PALM2AKAP2: variants seen among roughly 807,000 people sequenced by gnomAD.
PALM2AKAP2 encodes the protein PALM2 and AKAP2 fusion, also known as PALM2-AKAP2 fusion protein.
In PALM2AKAP2, 37 loss-of-function variants were observed where a neutral mutation model predicts 71.5. The observed-to-expected ratio is 0.52, with a 90% confidence interval of 0.40 to 0.68. The LOEUF (loss-of-function observed/expected upper bound fraction) is 0.68, where lower values mean the gene tolerates loss of function less well. Ranked by LOEUF, PALM2AKAP2 falls within the 30% of genes least tolerant of loss-of-function variation. The probability of loss-of-function intolerance (pLI) is 0.00; values close to 1 mark genes in which losing one functional copy is unlikely to be tolerated. For synonymous variants in PALM2AKAP2, 468 were observed against 478.8 expected, an observed-to-expected ratio of 0.98 and a Z score of 0.29; for missense variants, 1,224 against 1,191.8, an observed-to-expected ratio of 1.03 and a Z score of -0.40.
At chr9:110,135,172 A>ATATATATATATAT (rs58573716) in intron 1 of PALM2AKAP2, among the ~76,000 whole-genome samples, 2 of 61,090 alleles carry the variant, frequency 3.3e-5, no homozygotes, top group African/African-American at 1.2e-4. Context: ...AAAATATATA[A>ATATATATATATAT]ATATATATAT....
chr9:110,101,727 CCAT>C (rs1457870224), intron 1 of PALM2AKAP2, among the ~76,000 whole-genome samples: 1 of 152,214 alleles, frequency 6.6e-6, no homozygotes, highest in African/African-American at 2.4e-5. Flanking sequence ...CAGCCTGAAA[CCAT>C]CTGCAGCTGC....
chr9:109,947,607 T>C (rs1230627380), intron 6 of PALM2AKAP2, among the ~76,000 whole-genome samples: 1 of 152,190 alleles, frequency 6.6e-6, no homozygotes, highest in African/African-American at 2.4e-5. Flanking sequence ...AAAACGCAGA[T>C]GGACATAGAC....
chr9:109,649,749 A>T (rs1827200717), intron 1 of PALM2AKAP2, among the ~76,000 whole-genome samples: 1 of 152,176 alleles, frequency 6.6e-6, no homozygotes, highest in South Asian at 2.1e-4. Context: ...GGTAGAGGGG[A>T]TGGAGACAGT....
intron 3 of PALM2AKAP2, among the ~76,000 whole-genome samples, chr9:109,894,432 C>T (rs972296740): frequency 1.3e-5 from 2 of 152,164 alleles, no homozygotes; most frequent in African/African-American, 4.8e-5. Context: ...AGAAAAGTGG[C>T]CAAACCCAGT....
intron 6 of PALM2AKAP2, among the ~76,000 whole-genome samples, chr9:110,014,801 AAAATGTATATATATATATAT>A (rs1832945222): frequency 9.7e-5 from 4 of 41,264 alleles, no homozygotes; most frequent in East Asian, 1.4e-3. Flanking sequence ...AAAAAAAAAA[AAAATGTATATATATATATAT>A]ATATATATAT....
intron 1 of PALM2AKAP2, among the ~76,000 whole-genome samples, chr9:109,686,426 T>C (rs1827806238): frequency 6.6e-6 from 1 of 152,230 alleles, no homozygotes; most frequent in African/African-American, 2.4e-5. Context: ...TTAGCAGGCA[T>C]GAAAACAACA....
At chr9:110,162,369 G>T in intron 3 of PALM2AKAP2, among the ~76,000 whole-genome samples, 1 of 152,136 alleles carries the variant, frequency 6.6e-6, no homozygotes, top group East Asian at 1.9e-4. Flanking sequence ...GAGTGGGAGG[G>T]TACTGGGGAA....
intron 1 of PALM2AKAP2, among the ~76,000 whole-genome samples, chr9:110,062,237 C>T (rs1024338520): frequency 6.6e-6 from 1 of 152,096 alleles, no homozygotes. Context: ...TATCCTGATG[C>T]TCTCCCTCCC....
At chr9:109,683,313 A>G (rs1213443881) in intron 1 of PALM2AKAP2, among the ~76,000 whole-genome samples, 2 of 152,300 alleles carry the variant, frequency 1.3e-5, no homozygotes, top group East Asian at 3.9e-4. Flanking sequence ...TTGAGATGAG[A>G]TCATTCTTGA....
chr9:110,008,348 A>G (rs187848750), intron 6 of PALM2AKAP2, among the ~76,000 whole-genome samples: 4 of 152,224 alleles, frequency 2.6e-5, no homozygotes, highest in African/African-American at 7.2e-5. Flanking sequence ...GAGTGGCCCA[A>G]AAGAAGTATA....
intron 1 of PALM2AKAP2, among the ~76,000 whole-genome samples, chr9:110,120,709 T>C (rs970602486): frequency 8.5e-5 from 13 of 152,232 alleles, no homozygotes; most frequent in Non-Finnish European, 2.9e-5. Context: ...TTCACCATGT[T>C]GGCCAGGCTG....
intron 6 of PALM2AKAP2, chr9:109,942,658 C>A: frequency 1.3e-6 from 2 of 1,519,104 alleles, no homozygotes; most frequent in Non-Finnish European, 8.8e-7. Flanking sequence ...TTGTAACATG[C>A]ACTTCCTTTC....
chr9:109,824,654 ATC>A lies in PALM2AKAP2; in HGVS notation c.46-42833_46-42832del, dbSNP rs530510118. ...CTTATGTTGCTTTTAGTTTTCATCA[ATC>A]TCTGGTTGGTTTTTAGAACTACTAA... is the stretch of plus-strand genomic sequence containing the variant. On this transcript the variant is annotated intron_variant, in intron 1 of 9. Coordinates refer to the PALM2AKAP2 transcript ENST00000302798. 4.6e-5 allele frequency among the ~76,000 whole-genome samples: 7 copies of A among 152,242 alleles called. No homozygotes were observed. The South Asian group carries it at 1.5e-3, about 32-fold the overall frequency.
At chr9:110,021,206 C>T (rs1196164541) in intron 7 of PALM2AKAP2, among the ~76,000 whole-genome samples, 1 of 152,152 alleles carries the variant, frequency 6.6e-6, no homozygotes, top group African/African-American at 2.4e-5. Flanking sequence ...AAAGAGGATA[C>T]TCATATACAC....
intron 1 of PALM2AKAP2, among the ~76,000 whole-genome samples, chr9:110,113,175 C>T (rs1490099078): frequency 2.6e-5 from 4 of 151,968 alleles, no homozygotes; most frequent in Non-Finnish European, 5.9e-5. Flanking sequence ...TTTGCTGTTT[C>T]TGTTTTATCT....
intron 1 of PALM2AKAP2, among the ~76,000 whole-genome samples, chr9:109,772,973 C>T (rs181895075): frequency 2.0e-5 from 3 of 152,228 alleles, no homozygotes; most frequent in African/African-American, 7.2e-5. Context: ...AAAAAATTAG[C>T]CGGGTGTGGT....
At chr9:109,674,196 A>G (rs186083139) in intron 1 of PALM2AKAP2, among the ~76,000 whole-genome samples, 57 of 151,838 alleles carry the variant, frequency 3.8e-4, no homozygotes, top group Non-Finnish European at 6.9e-4. Context: ...TAGATTTCAT[A>G]TCTTTCCTAA....
chr9:109,884,534 AAG>A (rs1220413987), intron 3 of PALM2AKAP2, among the ~76,000 whole-genome samples: 1 of 152,178 alleles, frequency 6.6e-6, no homozygotes, highest in Non-Finnish European at 1.5e-5. Flanking sequence ...AGAAGAGAGT[AAG>A]AGAGAATATG....
At chr9:109,778,640 T>C (rs1038286303), upstream of PALM2AKAP2, among the ~76,000 whole-genome samples, 10 of 152,328 alleles carry the variant, frequency 6.6e-5, no homozygotes, top group African/African-American at 1.2e-4. Context: ...GGTGAGTGCT[T>C]CCATCTTTGG....
Sources: allele counts gnomAD v4.1 joint callset (sites outside exome capture counted in the v4.1 genomes callset), GRCh38; gene constraint gnomAD v4.1.1; transcripts MANE v1.5; gene names NCBI Gene and HGNC (gene_info 2026-07-23, HGNC 2026-07-21).